The following PLXNC1 variants were observed in gnomAD, a reference collection of about 807,000 sequenced individuals.
PLXNC1 encodes the protein plexin-C1.
Under a neutral mutation model 178.2 loss-of-function variants are expected in PLXNC1, and 75 were observed. That is an observed-to-expected ratio of 0.42 (90% confidence interval 0.35 to 0.51). The LOEUF (loss-of-function observed/expected upper bound fraction) is 0.51, where lower values mean the gene tolerates loss of function less well. Ranked by LOEUF, PLXNC1 falls within the 20% of genes least tolerant of loss-of-function variation. The probability of loss-of-function intolerance (pLI) is 0.02; values close to 1 mark genes in which losing one functional copy is unlikely to be tolerated. For synonymous variants in PLXNC1, 790 were observed against 779.9 expected (o/e 1.01, Z -0.22); for missense variants, 1,503 against 1,984.4 (o/e 0.76, Z 4.61).
At chr12:94,285,446 T>C (rs1293049197) in intron 23 of PLXNC1, among the ~76,000 whole-genome samples, 1 of 152,188 alleles carries the variant, frequency 6.6e-6, no homozygotes, top group Non-Finnish European at 1.5e-5. Flanking sequence ...GTGGCATTGC[T>C]GTAGGGAGTC....
intron 2 of PLXNC1, among the ~76,000 whole-genome samples, chr12:94,171,912 G>C (rs796279277): frequency 6.6e-6 from 1 of 152,130 alleles, no homozygotes; most frequent in Non-Finnish European, 1.5e-5. Context: ...GCCCCACCAG[G>C]CTCCCTAGGG....
At chr12:94,216,840 C>G (rs1429935617) in intron 5 of PLXNC1, among the ~76,000 whole-genome samples, 1 of 152,164 alleles carries the variant, frequency 6.6e-6, no homozygotes, top group African/African-American at 2.4e-5. Context: ...GACACCCCAG[C>G]TCCCTCTGCA....
chr12:94,187,708 G>A (rs540536324), intron 4 of PLXNC1, among the ~76,000 whole-genome samples: 1 of 152,310 alleles, frequency 6.6e-6, no homozygotes, highest in South Asian at 2.1e-4. Flanking sequence ...GCTGTGTACA[G>A]GAGTCAATTC....
intron 20 of PLXNC1, 116 bp from the exon 21 acceptor site, chr12:94,264,963 T>A (rs1207611518): frequency 9.6e-7 from 1 of 1,038,606 alleles, no homozygotes; most frequent in Non-Finnish European, 1.4e-6. Context: ...GCGTTTCATG[T>A]TGAGTGTTAG....
At chr12:94,271,473 G>A (rs548909672) in intron 21 of PLXNC1, among the ~76,000 whole-genome samples, 1 of 152,328 alleles carries the variant, frequency 6.6e-6, no homozygotes, top group East Asian at 1.9e-4. Flanking sequence ...ACGGGACGAT[G>A]GGTAAAACCG....
intron 6 of PLXNC1, among the ~76,000 whole-genome samples, chr12:94,222,233 T>C (rs1026623721): frequency 5.3e-5 from 8 of 152,260 alleles, no homozygotes; most frequent in Non-Finnish European, 1.2e-4. Flanking sequence ...TGGTTGCTTT[T>C]AGCGCCTCCA....
intron 6 of PLXNC1, among the ~76,000 whole-genome samples, 175 bp downstream of exon 6, chr12:94,220,338 A>G (rs576748352): frequency 3.3e-5 from 5 of 152,068 alleles, no homozygotes. Context: ...TACCTCATTC[A>G]TTTACTCCAA....
intron 4 of PLXNC1, among the ~76,000 whole-genome samples, chr12:94,209,277 T>C (rs910516882): frequency 6.6e-6 from 1 of 152,198 alleles, no homozygotes; most frequent in Non-Finnish European, 1.5e-5. Context: ...TCAGAATCCA[T>C]GGGAGGATGT....
At chr12:94,280,668 G>A (rs1966371368) in intron 22 of PLXNC1, among the ~76,000 whole-genome samples, 1 of 152,170 alleles carries the variant, frequency 6.6e-6, no homozygotes, top group Admixed American at 6.5e-5. Flanking sequence ...CAAAGGGGGA[G>A]CCCCAGCCAG....
At chr12:94,253,893 G>A (rs1964769587) in intron 15 of PLXNC1, among the ~76,000 whole-genome samples, 1 of 151,924 alleles carries the variant, frequency 6.6e-6, no homozygotes, top group African/African-American at 2.4e-5. Flanking sequence ...TGCCCAGGCT[G>A]ATCTCAAACC....
intron 21 of PLXNC1, among the ~76,000 whole-genome samples, chr12:94,270,283 A>G (rs1337723810): frequency 2.6e-5 from 4 of 152,214 alleles, no homozygotes; most frequent in African/African-American, 9.7e-5. Flanking sequence ...ATAAAGTTCT[A>G]TTGGAACACC....
intron 4 of PLXNC1, among the ~76,000 whole-genome samples, chr12:94,202,795 C>T (rs79833316): frequency 6.6e-6 from 1 of 152,130 alleles, no homozygotes; most frequent in Admixed American, 6.5e-5. Context: ...ACTCATCAAC[C>T]AAACTTACCT....
rs147216555 is a variant in PLXNC1, at chr12:94,285,563, T to G, written c.3879+3162T>G. The stretch of plus-strand genomic sequence containing the variant: ...GCCAAGAGCAGTCGTTCTTAGCTTT[T>G]GGAGTTTGTAAAAATCCCCAGGGAG... On this transcript the variant is annotated intron_variant, in intron 23 of 30. Coordinates refer to ENST00000258526, the MANE Select transcript of PLXNC1 (RefSeq NM_005761.3). 2.4e-3 allele frequency among the ~76,000 whole-genome samples: 373 copies of G among 152,308 alleles called. 1 individual carries two copies. Among genetic ancestry groups the G allele is most frequent in the African/African-American group, 8.7e-3 (362 of 41,564 alleles).
chr12:94,254,792 G>GT lies in PLXNC1; in HGVS notation c.2888dup (p.Val965GlyfsTer30). 1 of 1,595,008 alleles carries GT rather than the reference G, an allele frequency of 6.3e-7. No homozygotes were observed. Among genetic ancestry groups the GT allele is most frequent in the Non-Finnish European group, 8.5e-7 (1 of 1,174,594 alleles). Reference sequence around the variant, plus strand: ...GCAGCATCTCTGTCTCTTAGCGGCCGTGGGGGTGACCAGGCACAAATCGAA... The same window carrying GT: ...GCAGCATCTCTGTCTCTTAGCGGCCGTTGGGGGTGACCAGGCACAAATCGAA... On this transcript the variant is annotated frameshift_variant, in exon 16 of 31. Coordinates refer to ENST00000258526, the MANE Select transcript of PLXNC1 (RefSeq NM_005761.3). LOFTEE classifies it high-confidence loss of function.
intron 22 of PLXNC1, 79 bp downstream of exon 22, chr12:94,279,728 T>G: frequency 8.4e-7 from 1 of 1,191,062 alleles, no homozygotes; most frequent in Non-Finnish European, 1.2e-6. Context: ...CTGTCCCCCC[T>G]CCCTGCCCCC....
At chr12:94,189,047 A>G (rs1020968733) in intron 4 of PLXNC1, among the ~76,000 whole-genome samples, 6 of 152,232 alleles carry the variant, frequency 3.9e-5, no homozygotes, top group African/African-American at 1.4e-4. Context: ...GTTGCCAGGA[A>G]GCATTAGGGC....
chr12:94,246,424 TG>T (rs751845979), intron 12 of PLXNC1, among the ~76,000 whole-genome samples: 1 of 150,872 alleles, frequency 6.6e-6, no homozygotes, highest in Non-Finnish European at 1.5e-5. Context: ...GAAGGGAGAG[TG>T]GGGGTGACAT....
chr12:94,243,837 G>T, intron 11 of PLXNC1, 101 bp from the exon 12 acceptor site: 2 of 532,488 alleles, frequency 3.8e-6, no homozygotes, highest in Non-Finnish European at 3.4e-6. Flanking sequence ...AACATAATTG[G>T]GTTTAATATT....
At chr12:94,254,912 A>G (rs767204338) in intron 16 of PLXNC1, 24 bp downstream of exon 16, 1 of 1,542,074 alleles carries the variant, frequency 6.5e-7, no homozygotes, top group Admixed American at 1.8e-5. Flanking sequence ...TTGTGTTTGT[A>G]GAAAAACAAG....
Sources: allele counts gnomAD v4.1 joint callset (sites outside exome capture counted in the v4.1 genomes callset), GRCh38; gene constraint gnomAD v4.1.1; transcripts MANE v1.5; gene names NCBI Gene and HGNC (gene_info 2026-07-23, HGNC 2026-07-21).